Variants in DHRSX observed in about 807,000 individuals in gnomAD.
DHRSX encodes dehydrogenase/reductase X-linked.
DHRSX carries 31 observed loss-of-function variants against 34.0 expected under a neutral mutation model. That is an observed-to-expected ratio of 0.91 (90% CI 0.69 to 1.23). The LOEUF is 1.23. Among genes scored for constraint, DHRSX ranks in the 50% most tolerant of loss-of-function variants. The pLI is 0.00. For missense variants in DHRSX, 414 were observed against 428.1 expected (o/e 0.97, Z 0.29); for synonymous variants, 201 against 183.8 (o/e 1.09, Z -0.76).
intron 3 of DHRSX, among the ~76,000 whole-genome samples, chrX:2,365,288 C>A (rs767470183): frequency 6.6e-6 from 1 of 152,234 alleles, no homozygotes; most frequent in East Asian, 1.9e-4. Flanking sequence ...TACAGGCAGC[C>A]ACCACCACGC....
At chrX:2,360,581 TCAA>T (rs747498017) in intron 3 of DHRSX, among the ~76,000 whole-genome samples, 157 of 151,964 alleles carry the variant, frequency 1.0e-3, no homozygotes, top group Non-Finnish European at 1.9e-3. Flanking sequence ...AGACTCTGTT[TCAA>T]CAACAACAAC....
intron 5 of DHRSX, among the ~76,000 whole-genome samples, chrX:2,244,167 C>T (rs1247346014): frequency 6.6e-6 from 1 of 152,176 alleles, no homozygotes; most frequent in Non-Finnish European, 1.5e-5. Context: ...CTCACATCTA[C>T]TGCAAGCTCT....
chrX:2,473,332 T>A (rs2044622823), intron 1 of DHRSX, among the ~76,000 whole-genome samples: 2 of 152,206 alleles, frequency 1.3e-5, no homozygotes, highest in African/African-American at 2.4e-5. Flanking sequence ...GGATCAAGAA[T>A]GAAAGGCGCC....
At chrX:2,352,957 C>T (rs2042805649) in intron 3 of DHRSX, among the ~76,000 whole-genome samples, 1 of 152,136 alleles carries the variant, frequency 6.6e-6, no homozygotes, top group African/African-American at 2.4e-5. Flanking sequence ...AGTCCAAAAC[C>T]AGGCTGGACG....
intron 3 of DHRSX, among the ~76,000 whole-genome samples, chrX:2,307,383 G>A (rs1292281384): frequency 6.6e-6 from 1 of 152,052 alleles, no homozygotes; most frequent in Non-Finnish European, 1.5e-5. Context: ...TTGAGTGACA[G>A]GTTCAACTGA....
At chrX:2,464,946 GTAAA>G (rs1372098085) in intron 1 of DHRSX, among the ~76,000 whole-genome samples, 1 of 149,960 alleles carries the variant, frequency 6.7e-6, no homozygotes, top group Non-Finnish European at 1.5e-5. Context: ...CTGCCACTGT[GTAAA>G]TACTTAAGAC....
At chrX:2,391,925 T>C (rs372515170) in intron 3 of DHRSX, among the ~76,000 whole-genome samples, 85 of 150,266 alleles carry the variant, frequency 5.7e-4, no homozygotes, top group African/African-American at 2.0e-3. Flanking sequence ...AAATTCCGAC[T>C]AAAAGAAAAA....
intron 3 of DHRSX, among the ~76,000 whole-genome samples, chrX:2,360,690 T>C (rs1455145907): frequency 6.6e-6 from 1 of 151,900 alleles, no homozygotes; most frequent in Non-Finnish European, 1.5e-5. Flanking sequence ...GGAGCCAGGT[T>C]ATCGCCAAGT....
intron 5 of DHRSX, among the ~76,000 whole-genome samples, chrX:2,259,399 T>TATATAG (rs1556439813): frequency 0.014 from 1,768 of 123,654 alleles, 80 homozygotes; most frequent in African/African-American, 0.05. Context: ...TATATAGATA[T>TATATAG]ATATATAGAT....
At chrX:2,226,931 G>A (rs1046029542) in intron 6 of DHRSX, among the ~76,000 whole-genome samples, 2 of 152,196 alleles carry the variant, frequency 1.3e-5, no homozygotes, top group African/African-American at 4.8e-5. Flanking sequence ...TTGTTAGAGG[G>A]GAAGCTCTGG....
intron 2 of DHRSX, among the ~76,000 whole-genome samples, chrX:2,419,553 G>C (rs1227964590): frequency 6.6e-6 from 1 of 152,010 alleles, no homozygotes; most frequent in Non-Finnish European, 1.5e-5. Flanking sequence ...CAATAGCAAA[G>C]ACTTGGAACC....
chrX:2,379,225 A>G (rs1204523855), intron 3 of DHRSX, among the ~76,000 whole-genome samples: 1 of 152,158 alleles, frequency 6.6e-6, no homozygotes, highest in Non-Finnish European at 1.5e-5. Flanking sequence ...CAAAGAAAGA[A>G]GAACATGAAG....
At chrX:2,345,298 G>A (rs2042690978) in intron 3 of DHRSX, among the ~76,000 whole-genome samples, 1 of 152,072 alleles carries the variant, frequency 6.6e-6, no homozygotes, top group African/African-American at 2.4e-5. Flanking sequence ...GAGACTTTGA[G>A]TAAAGGAATT....
At chrX:2,312,408 G>C (rs1263263396) in intron 3 of DHRSX, among the ~76,000 whole-genome samples, 2 of 152,108 alleles carry the variant, frequency 1.3e-5, no homozygotes, top group Non-Finnish European at 2.9e-5. Flanking sequence ...AAAAGGATGA[G>C]TTCATGTCCT....
chrX:2,452,443 A>C (rs986570461), intron 1 of DHRSX, among the ~76,000 whole-genome samples: 15 of 151,782 alleles, frequency 9.9e-5, no homozygotes, highest in African/African-American at 3.6e-4. Flanking sequence ...TTCCCTACGA[A>C]TGTGGATAAG....
At chrX:2,247,896 C>T (rs1487952332) in intron 5 of DHRSX, among the ~76,000 whole-genome samples, 1 of 152,042 alleles carries the variant, frequency 6.6e-6, no homozygotes, top group Non-Finnish European at 1.5e-5. Flanking sequence ...CCTTCTTCCC[C>T]AAGGTGGGTC....
At chrX:2,257,364 G>A (rs745610728) in intron 5 of DHRSX, among the ~76,000 whole-genome samples, 3 of 152,316 alleles carry the variant, frequency 2.0e-5, no homozygotes, top group South Asian at 2.1e-4. Flanking sequence ...GAAGTTCGTC[G>A]GCCAGATGGC....
rs1051387923 is a variant in DHRSX at position 2,323,640 on chromosome X, G to A, written c.287-32037C>T. 4.6e-5 allele frequency among the ~76,000 whole-genome samples: 7 copies of A among 152,100 alleles called. No homozygotes were observed. The East Asian group carries it at 7.7e-4, about 17-fold the overall frequency. ...TATACATAGCTGGGAATGATGATGCGTACCTACAGCCCCAGCTACTTTAGA... is the reference window on the plus strand; with the variant it reads ...TATACATAGCTGGGAATGATGATGCATACCTACAGCCCCAGCTACTTTAGA... On this transcript the variant is annotated intron_variant, in intron 3 of 6. Transcript: ENST00000334651.
At chrX:2,230,388 C>G (rs2124407715) in intron 6 of DHRSX, among the ~76,000 whole-genome samples, 1 of 152,278 alleles carries the variant, frequency 6.6e-6, no homozygotes, top group East Asian at 1.9e-4. Context: ...TCGTAAGACA[C>G]ACACACAAAC....
Sources: gnomAD v4.1 joint callset for allele counts (sites outside exome capture counted in the v4.1 genomes callset) on GRCh38, gnomAD v4.1.1 for gene constraint, MANE v1.5 for transcripts, NCBI Gene and HGNC (gene_info 2026-07-23, HGNC 2026-07-21) for gene names.